The following ITPKB variants were observed in gnomAD, a reference collection of about 807,000 sequenced individuals.
The protein encoded by ITPKB is inositol-trisphosphate 3-kinase B.
Under a neutral mutation model 69.4 loss-of-function variants are expected in ITPKB, and 13 were observed. The observed-to-expected ratio is 0.19, with a 90% CI of 0.12 to 0.30. The LOEUF (loss-of-function observed/expected upper bound fraction) is 0.30, where lower values mean the gene tolerates loss of function less well. Ranked by LOEUF, ITPKB falls within the 10% of genes least tolerant of loss-of-function variation. The pLI is 1.00. For synonymous variants in ITPKB, 584 were observed against 513.7 expected, an observed-to-expected ratio of 1.14 and a Z score of -1.85; for missense variants, 1,240 against 1,250.5, an observed-to-expected ratio of 0.99 and a Z score of 0.13.
rs193184444 is a variant in ITPKB at position 226,686,189 on chromosome 1, T to A, written c.1933-37418A>T. On this transcript the variant is annotated intron_variant, in intron 2 of 7. Coordinates refer to ENST00000429204, the MANE Select transcript of ITPKB (RefSeq NM_002221.4). ...AGTTCTGTCTGCTCTAATGAGGCCA[T>A]GGGGGTGGATGGGCAGGGGGCAAAT... is the stretch of plus-strand genomic sequence containing the variant. Among the ~76,000 whole-genome samples, 5 of 152,170 alleles carry A rather than the reference T, an allele frequency of 3.3e-5. No homozygotes were observed. The East Asian group carries it at 9.7e-4, about 29-fold the overall frequency.
At chr1:226,711,405 AAGAGAGAGAGAGAGAGAG>A (rs59479705) in intron 2 of ITPKB, among the ~76,000 whole-genome samples, 1 of 129,790 alleles carries the variant, frequency 7.7e-6, no homozygotes, top group Non-Finnish European at 1.6e-5. Context: ...GGTGTTTTGA[AAGAGAGAGAGAGAGAGAG>A]AGAGAGAGAG....
chr1:226,732,471 CA>C (rs766561667), intron 2 of ITPKB, among the ~76,000 whole-genome samples: 23 of 151,830 alleles, frequency 1.5e-4, no homozygotes, highest in Non-Finnish European at 3.2e-4. Context: ...CTCCTGACCT[CA>C]AGTGATCCAC....
intron 2 of ITPKB, among the ~76,000 whole-genome samples, chr1:226,719,390 G>A (rs759356922): frequency 6.6e-6 from 1 of 152,152 alleles, no homozygotes; most frequent in African/African-American, 2.4e-5. Context: ...CCCTGTGGTC[G>A]GTCACTTGCC....
At position 226,736,369 on chromosome 1, in the gene ITPKB, G is replaced by C. The variant is rs368044845; in HGVS notation, c.1090C>G (p.Arg364Gly). The C allele has an allele frequency of 4.3e-6, 7 of 1,612,210 alleles. No homozygotes were observed. The highest frequency in any genetic ancestry group is 2.7e-5 in the African/African-American group (2 of 74,888). The change falls in exon 2 of 8, where the codon CGC becomes GGC. Residue 364 changes from arginine to glycine, a missense_variant. By Grantham distance (125) the Arg-to-Gly change is moderately radical (BLOSUM62 -2). Transcript: ENST00000429204. ...TSPAPERGGPRDGEPPGKMGK... is the reference protein window; with the variant it reads ...TSPAPERGGPGDGEPPGKMGK... The stretch of plus-strand genomic sequence containing the variant: ...ATCTTCCCAGGGGGTTCTCCATCGC[G>C]GGGCCCGCCCCTTTCTGGGGCTGGG...
At chr1:226,640,621 G>C (rs1385678486) in intron 5 of ITPKB, among the ~76,000 whole-genome samples, 1 of 152,212 alleles carries the variant, frequency 6.6e-6, no homozygotes, top group Non-Finnish European at 1.5e-5. Flanking sequence ...CAGAGACCAG[G>C]AGCACATCCT....
At chr1:226,656,489 G>C (rs1669292478) in intron 2 of ITPKB, among the ~76,000 whole-genome samples, 1 of 152,202 alleles carries the variant, frequency 6.6e-6, no homozygotes, top group Non-Finnish European at 1.5e-5. Context: ...CTTCAGAGAA[G>C]CAAGGAGGAC....
chr1:226,648,387 CAGAA>C (rs1410161849), intron 3 of ITPKB, among the ~76,000 whole-genome samples: 1 of 152,016 alleles, frequency 6.6e-6, no homozygotes, highest in African/African-American at 2.4e-5. Flanking sequence ...GGAAGAGAGA[CAGAA>C]AGAAAGAGAC....
In ITPKB at chr1:226,660,481, C is replaced by T. The variant is rs140117263; in HGVS notation, c.1933-11710G>A. Among the ~76,000 whole-genome samples the T allele has an allele frequency of 1.8e-3, 273 of 152,346 alleles. 1 individual carries two copies. The Middle Eastern group carries it at 0.024, about 13-fold the overall frequency. On this transcript the variant is annotated intron_variant, in intron 2 of 7. Transcript: ENST00000429204. ...CCTAACCCTCCCTATTGGGCAGGGC[C>T]CAGCAAATGCTCCATCTCTGGTGAG... is the stretch of plus-strand genomic sequence containing the variant.
intron 4 of ITPKB, among the ~76,000 whole-genome samples, chr1:226,645,738 G>A (rs988670774): frequency 6.6e-6 from 1 of 151,718 alleles, no homozygotes; most frequent in Admixed American, 6.6e-5. Context: ...CAAAGGCCTC[G>A]GGCTGGCTGG....
intron 5 of ITPKB, among the ~76,000 whole-genome samples, chr1:226,640,787 G>C (rs1157039972): frequency 2.6e-5 from 4 of 152,122 alleles, no homozygotes; most frequent in Admixed American, 2.6e-4. Flanking sequence ...CAAAGAAGGG[G>C]GCAAATGCCT....
intron 3 of ITPKB, among the ~76,000 whole-genome samples, chr1:226,648,337 A>C (rs1558302141): frequency 6.6e-6 from 1 of 152,256 alleles, no homozygotes; most frequent in African/African-American, 2.4e-5. Context: ...CAGGTAAGCT[A>C]TAAAGACTGA....
intron 2 of ITPKB, among the ~76,000 whole-genome samples, chr1:226,651,628 C>T (rs980074493): frequency 1.3e-5 from 2 of 152,122 alleles, no homozygotes; most frequent in African/African-American, 2.4e-5. Context: ...CTCCAGAGAC[C>T]CACAAGACAC....
chr1:226,703,392 G>T (rs1014168537), intron 2 of ITPKB, among the ~76,000 whole-genome samples: 10 of 152,234 alleles, frequency 6.6e-5, no homozygotes, highest in African/African-American at 2.4e-4. Flanking sequence ...CCCGACGCTG[G>T]CTGGCCGAGG....
At chr1:226,658,952 C>A (rs1320073155) in intron 2 of ITPKB, among the ~76,000 whole-genome samples, 2 of 152,152 alleles carry the variant, frequency 1.3e-5, no homozygotes, top group Non-Finnish European at 2.9e-5. Flanking sequence ...GCGCTCTGTC[C>A]CCTCCACACC....
intron 2 of ITPKB, among the ~76,000 whole-genome samples, chr1:226,649,337 A>G (rs182413776): frequency 8.1e-6 from 1 of 123,116 alleles, no homozygotes; most frequent in East Asian, 2.4e-4. Flanking sequence ...GTGTGTGCGT[A>G]TGTGTGCATA....
At chr1:226,635,192 C>T (rs568180278) in intron 7 of ITPKB, among the ~76,000 whole-genome samples, 26 of 152,200 alleles carry the variant, frequency 1.7e-4, no homozygotes, top group Admixed American at 1.6e-3. Flanking sequence ...TTCCTTCCTT[C>T]CTGCCTTCCT....
chr1:226,720,519 A>G (rs565779895), intron 2 of ITPKB, among the ~76,000 whole-genome samples: 2 of 152,346 alleles, frequency 1.3e-5, no homozygotes, highest in East Asian at 1.9e-4. Context: ...CTAACAATTT[A>G]TATGTCTCAT....
chr1:226,636,605 T>C (rs539870919), intron 7 of ITPKB, among the ~76,000 whole-genome samples: 58 of 152,344 alleles, frequency 3.8e-4, no homozygotes, highest in Middle Eastern at 3.4e-3. Flanking sequence ...GCCACCTCCA[T>C]GTAAGACCCC....
rs201331239 is a variant in ITPKB, at chr1:226,736,582, A to G, written c.877T>C (p.Leu293=). 6.6e-5 allele frequency: 107 copies of G among 1,613,896 alleles called. 1 individual carries two copies. The highest frequency in any genetic ancestry group is 6.0e-4 in the East Asian group (27 of 44,866). ...GTTAAGCTAGCTCCGAACAGCCCCA[A>G]TGAGGGAGCTAGGCAGCTCCGAGTT... ...PGTRSCLAPS[L]GLFGASLTMA... The change falls in exon 2 of 8, where the codon TTG becomes CTG. Residue 293 remains leucine (L), a synonymous_variant. Transcript: ENST00000429204.
Sources: gnomAD v4.1 joint callset for allele counts (sites outside exome capture counted in the v4.1 genomes callset) on GRCh38, gnomAD v4.1.1 for gene constraint, MANE v1.5 for transcripts, NCBI Gene and HGNC (gene_info 2026-07-23, HGNC 2026-07-21) for gene names.